Variants in ASH1L observed in about 807,000 individuals in gnomAD.
ASH1L encodes the protein histone-lysine N-methyltransferase ASH1L.
ASH1L carries 23 observed loss-of-function variants against 269.0 expected under a neutral mutation model. The observed-to-expected ratio is 0.09, with a 90% CI of 0.06 to 0.12. ASH1L has a LOEUF of 0.12. Ranked by LOEUF, ASH1L falls within the 10% of genes least tolerant of loss-of-function variation. The pLI is 1.00. For missense variants in ASH1L, 2,912 were observed against 3,567.8 expected, an observed-to-expected ratio of 0.82 and a Z score of 4.68; for synonymous variants, 1,187 against 1,253.5, an observed-to-expected ratio of 0.95 and a Z score of 1.12.
chr1:155,411,578 AATAAATAAATATATATATAT>A (rs1474933455), intron 6 of ASH1L, among the ~76,000 whole-genome samples: 3 of 21,128 alleles, frequency 1.4e-4, no homozygotes, highest in African/African-American at 2.6e-4. Context: ...AATATAAATA[AATAAATAAATATATATATAT>A]ATATATATAT....
intron 6 of ASH1L, among the ~76,000 whole-genome samples, chr1:155,404,908 G>A (rs1159050787): frequency 6.6e-6 from 1 of 150,978 alleles, no homozygotes; most frequent in African/African-American, 2.4e-5. Flanking sequence ...CGTGCCTGTG[G>A]TCCCAGCTAC....
At position 155,479,117 on chromosome 1, in the gene ASH1L, T is replaced by C. The variant is rs1665774248; in HGVS notation, c.3753A>G (p.Lys1251=). ...GGTAATCATGATTCCTGCGCTTACA[T>C]TTGTGTTTATGTTTTTCTTTAAGAC... ...LSSLKEKHKH[K]CKRRNHDYLS... is the part of the protein sequence containing the mutation. Residue 1251 remains lysine, a synonymous_variant, in exon 3 of 28, where the codon AAA becomes AAG. Coordinates refer to ENST00000392403, the MANE Select transcript of ASH1L (RefSeq NM_018489.3). 1.2e-6 allele frequency: 2 copies of C among 1,614,000 alleles called. No individual in the cohort carries two copies. Among genetic ancestry groups the C allele is most frequent in the East Asian group, 2.2e-5 (1 of 44,892 alleles).
At chr1:155,458,288 T>C (rs2148668992) in intron 4 of ASH1L, among the ~76,000 whole-genome samples, 1 of 152,352 alleles carries the variant, frequency 6.6e-6, no homozygotes, top group Non-Finnish European at 1.5e-5. Context: ...TGAAAGGCCT[T>C]CTACTTCTTC....
intron 1 of ASH1L, among the ~76,000 whole-genome samples, chr1:155,534,782 A>AT (rs1211952848): frequency 6.6e-6 from 1 of 152,210 alleles, no homozygotes; most frequent in African/African-American, 2.4e-5. Context: ...ATTTTATAAG[A>AT]TTTTTAGCCT....
Position 155,481,042 on chromosome 1 carries a change from G to A in ASH1L, c.1828C>T (p.His610Tyr), listed in dbSNP as rs376384988. Residue 610 changes from histidine (H) to tyrosine (Y), a missense_variant, in exon 3 of 28, where the codon CAC becomes TAC. Physicochemically the swap from His to Tyr is moderately conservative, Grantham distance 83. Coordinates refer to ENST00000392403, the MANE Select transcript of ASH1L (RefSeq NM_018489.3). ...ACTGACCTATGACCAACGTTCAAGT[G>A]GGTACTTTCAGAAGTAAACTGGTTC... ...GKNQFTSESTHLNVGHRSVGH... is the reference protein window; with the variant it reads ...GKNQFTSESTYLNVGHRSVGH... 4.3e-6 allele frequency: 7 copies of A among 1,613,964 alleles called. No individual in the cohort carries two copies. The highest frequency in any genetic ancestry group is 5.9e-6 in the Non-Finnish European group (7 of 1,179,942).
At chr1:155,489,426 A>G (rs1314444831) in intron 2 of ASH1L, among the ~76,000 whole-genome samples, 1 of 148,880 alleles carries the variant, frequency 6.7e-6, no homozygotes, top group Non-Finnish European at 1.5e-5. Context: ...GTGAGCCGAG[A>G]TTGTGTCACT....
At chr1:155,362,277 G>A (rs970860788) in intron 12 of ASH1L, among the ~76,000 whole-genome samples, 2 of 151,716 alleles carry the variant, frequency 1.3e-5, no homozygotes, top group African/African-American at 4.8e-5. Flanking sequence ...CTCGTGATCC[G>A]CCCGCCTTGG....
chr1:155,470,886 G>T (rs180981158), intron 3 of ASH1L, among the ~76,000 whole-genome samples: 3 of 152,252 alleles, frequency 2.0e-5, no homozygotes, highest in African/African-American at 4.8e-5. Context: ...TGAAAGAACA[G>T]CTACCATCAT....
chr1:155,463,561 G>A (rs1664458257), intron 3 of ASH1L, among the ~76,000 whole-genome samples: 1 of 152,122 alleles, frequency 6.6e-6, no homozygotes, highest in Admixed American at 6.5e-5. Flanking sequence ...GCTAGGCCGA[G>A]GTAGCCAGGT....
Position 155,357,425 on chromosome 1 carries a change from G to T in ASH1L, c.6961-15C>A. 3 of 1,604,652 alleles carry T rather than the reference G, an allele frequency of 1.9e-6. No homozygotes were observed. Among genetic ancestry groups the T allele is most frequent in the Non-Finnish European group, 2.6e-6 (3 of 1,171,892 alleles). On this transcript the variant is annotated splice_polypyrimidine_tract_variant and intron_variant, in intron 14 of 27. Transcript: ENST00000392403. ...AGATGGCCTCTCTGAAAAAGAGATG[G>T]ATCAGATTAGAGATTTAAAAAAATA...
chr1:155,361,486 C>CAGCCT (rs1654933054), intron 12 of ASH1L, among the ~76,000 whole-genome samples: 2 of 129,308 alleles, frequency 1.5e-5, no homozygotes, highest in African/African-American at 6.3e-5. Context: ...CACTGCACTC[C>CAGCCT]AGCCTGGGTG....
In ASH1L at chr1:155,437,479, C is replaced by T. The variant is rs867336966; in HGVS notation, c.5828+848G>A. Among the ~76,000 whole-genome samples the T allele has an allele frequency of 2.6e-5, 4 of 152,206 alleles. No individual in the cohort carries two copies. The Middle Eastern group carries it at 0.01, about 388-fold the overall frequency. ...GTTGGTGAGGATGTAAACTGAAATCCTTGTGCATTGTAACTGAAATCTTTG... is the reference window on the plus strand; with the variant it reads ...GTTGGTGAGGATGTAAACTGAAATCTTTGTGCATTGTAACTGAAATCTTTG... On this transcript the variant is annotated intron_variant, in intron 5 of 27. Transcript: ENST00000392403.
intron 2 of ASH1L, among the ~76,000 whole-genome samples, chr1:155,495,134 A>G (rs1250643035): frequency 6.6e-6 from 1 of 152,220 alleles, no homozygotes; most frequent in Non-Finnish European, 1.5e-5. Flanking sequence ...TGGGTTTGAA[A>G]GAGAATGGAA....
rs765619717 is a variant in ASH1L, at chr1:155,479,053, T to G, written c.3817A>C (p.Lys1273Gln). 1 of 1,614,060 alleles carries G rather than the reference T, an allele frequency of 6.2e-7. No homozygotes were observed. Among genetic ancestry groups the G allele is most frequent in the Admixed American group, 1.7e-5 (1 of 60,022 alleles). ...DKMKRQKRKR[K>Q]KKYPQLRNRQ... is the part of the protein sequence containing the mutation. Reference sequence around the variant, plus strand: ...TTTCGAAGCTGGGGATATTTCTTTTTCCGTTTTCGTTTCTGCCTTTTCATC... The same window carrying G: ...TTTCGAAGCTGGGGATATTTCTTTTGCCGTTTTCGTTTCTGCCTTTTCATC... Residue 1273 changes from lysine (K) to glutamine (Q), a missense_variant, in exon 3 of 28, where the codon AAA (lysine) becomes CAA (glutamine). Coordinates refer to ENST00000392403, the MANE Select transcript of ASH1L (RefSeq NM_018489.3).
chr1:155,347,535 G>C, intron 20 of ASH1L, 121 bp downstream of exon 20: 1 of 1,288,640 alleles, frequency 7.8e-7, no homozygotes, highest in Non-Finnish European at 1.1e-6. Flanking sequence ...CAGAAACCAA[G>C]GCTAAGTTAC....
chr1:155,443,754 C>T (rs1019452613), intron 4 of ASH1L, among the ~76,000 whole-genome samples: 4 of 152,124 alleles, frequency 2.6e-5, no homozygotes, highest in African/African-American at 4.8e-5. Flanking sequence ...ATTCACATTG[C>T]CACATTTCTT....
At chr1:155,494,932 AAGAGAG>A (rs139398189) in intron 2 of ASH1L, among the ~76,000 whole-genome samples, 137 of 149,556 alleles carry the variant, frequency 9.2e-4, no homozygotes, top group African/African-American at 3.1e-3. Context: ...AATAAGGAAA[AAGAGAG>A]AGAGAGAGAG....
intron 1 of ASH1L, among the ~76,000 whole-genome samples, chr1:155,557,222 T>G (rs10908470): frequency 0.26 from 39,334 of 151,900 alleles, 5,903 homozygotes; most frequent in East Asian, 0.72. Context: ...GCAGTAAGAT[T>G]ATTGGTTAAA....
intron 3 of ASH1L, 65 bp from the exon 4 acceptor site, chr1:155,459,963 C>A: frequency 7.8e-7 from 1 of 1,288,024 alleles, no homozygotes; most frequent in South Asian, 1.4e-5. Context: ...GTGAAACCAT[C>A]TTTTGTTAGA....
Sources: gnomAD v4.1 joint callset for allele counts (sites outside exome capture counted in the v4.1 genomes callset) on GRCh38, gnomAD v4.1.1 for gene constraint, MANE v1.5 for transcripts, NCBI Gene and HGNC (gene_info 2026-07-23, HGNC 2026-07-21) for gene names.